NUP50: variants seen among roughly 807,000 people sequenced by gnomAD.
NUP50 encodes nucleoporin 50.
In NUP50, 14 loss-of-function variants were observed where a neutral mutation model predicts 36.8. That is an observed-to-expected ratio of 0.38 (90% CI 0.25 to 0.59). The LOEUF is 0.59. Among genes scored for constraint, NUP50 ranks in the 20% least tolerant of loss-of-function variants. The pLI, the probability that NUP50 is intolerant of heterozygous loss-of-function variation, is 0.63. For missense variants in NUP50, 455 were observed against 564.6 expected (o/e 0.81, Z 1.97); for synonymous variants, 195 against 210.8 (o/e 0.93, Z 0.65).
intron 2 of NUP50, 95 bp downstream of exon 2, chr22:45,168,341 G>T: frequency 1.2e-6 from 1 of 867,984 alleles, no homozygotes; most frequent in Non-Finnish European, 1.8e-6. Context: ...AGAACTAAAA[G>T]ACCTTTCTAA....
intron 2 of NUP50, among the ~76,000 whole-genome samples, chr22:45,170,154 G>T (rs1490230790): frequency 6.6e-6 from 1 of 151,938 alleles, no homozygotes. Context: ...TCCCCTGGAC[G>T]ACTCATCCTC....
chr22:45,172,558 C>A lies in NUP50; in HGVS notation c.153+875C>A, dbSNP rs548938721. Among the ~76,000 whole-genome samples the A allele has an allele frequency of 3.9e-5, 6 of 152,202 alleles. No homozygotes were observed. In the East Asian group the frequency reaches 1.2e-3, roughly 29 times the overall value. On this transcript the variant is annotated intron_variant, in intron 3 of 7. Coordinates refer to ENST00000347635, the MANE Select transcript of NUP50 (RefSeq NM_007172.4). Reference sequence around the variant, plus strand: ...TCCTGGGAGCGGAAATACTTACTTTCCTGAGCGTTCTCCTTAAGGGACATG... The same window carrying A: ...TCCTGGGAGCGGAAATACTTACTTTACTGAGCGTTCTCCTTAAGGGACATG...
At chr22:45,175,807 G>A in intron 3 of NUP50, 87 bp from the exon 4 acceptor site, 11 of 1,362,058 alleles carry the variant, frequency 8.1e-6, no homozygotes, top group Middle Eastern at 1.9e-4. Context: ...TCTAGGTGCT[G>A]TTTAGCCAAG....
intron 4 of NUP50, among the ~76,000 whole-genome samples, chr22:45,177,421 T>C (rs1363010235): frequency 6.6e-6 from 1 of 152,146 alleles, no homozygotes; most frequent in Non-Finnish European, 1.5e-5. Flanking sequence ...GCTCAAGCGA[T>C]TTGCCCACCT....
At chr22:45,175,512 TTGAC>T (rs1450301347) in intron 3 of NUP50, among the ~76,000 whole-genome samples, 2 of 152,230 alleles carry the variant, frequency 1.3e-5, no homozygotes, top group Non-Finnish European at 2.9e-5. Context: ...TAAATGGTCT[TTGAC>T]TGAGTAGTAC....
intron 4 of NUP50, 44 bp downstream of exon 4, chr22:45,176,124 A>G (rs1268750627): frequency 1.3e-6 from 2 of 1,581,050 alleles, no homozygotes; most frequent in African/African-American, 1.4e-5. Context: ...AGTATCATCT[A>G]TGGAAAATAG....
intron 2 of NUP50, chr22:45,170,959 A>T (rs965805462): frequency 1.5e-6 from 2 of 1,301,748 alleles, no homozygotes; most frequent in Non-Finnish European, 2.0e-6. Flanking sequence ...GAATTTTTGC[A>T]TGAGAAATAT....
At chr22:45,166,201 A>T (rs1245484223) in intron 1 of NUP50, 1 of 151,914 alleles carries the variant, frequency 6.6e-6, no homozygotes. Flanking sequence ...GGTATGAGTT[A>T]GAAGTTACAA....
intron 1 of NUP50, among the ~76,000 whole-genome samples, 183 bp from the exon 2 acceptor site, chr22:45,167,985 A>G (rs1376818612): frequency 6.6e-6 from 1 of 152,150 alleles, no homozygotes; most frequent in Non-Finnish European, 1.5e-5. Context: ...ATTGATTTGT[A>G]ACACTGGGAG....
intron 2 of NUP50, among the ~76,000 whole-genome samples, 184 bp downstream of exon 2, chr22:45,168,430 C>T (rs1236120263): frequency 1.3e-5 from 2 of 151,760 alleles, no homozygotes; most frequent in African/African-American, 4.8e-5. Context: ...ATTTCTGTGA[C>T]CTCTAGTTAG....
chr22:45,184,619 G>A lies in NUP50; in HGVS notation c.1371G>A (p.Glu457=). The A allele has an allele frequency of 6.2e-7, 1 of 1,613,376 alleles. No homozygotes were observed. Among genetic ancestry groups the A allele is most frequent in the Non-Finnish European group, 8.5e-7 (1 of 1,179,528 alleles). ...TAAAAACCAGCGAGGATGCAGACGAGTTGCACAAAATTTTACTGGAGAAAA... is the reference window on the plus strand; with the variant it reads ...TAAAAACCAGCGAGGATGCAGACGAATTGCACAAAATTTTACTGGAGAAAA... ...IRVKTSEDAD[E]LHKILLEKKD... The change falls in exon 8 of 8, where the codon GAG becomes GAA. Residue 457 remains glutamate, a synonymous_variant. Coordinates refer to ENST00000347635, the MANE Select transcript of NUP50 (RefSeq NM_007172.4).
chr22:45,166,283 C>CTTTTTTTTTTTTTTTTTTTTTTTT (rs71190641), intron 1 of NUP50: 1 of 121,946 alleles, frequency 8.2e-6, no homozygotes, highest in African/African-American at 3.4e-5. Flanking sequence ...TTTTCTTTTT[C>CTTTTTTTTTTTTTTTTTTTTTTTT]TTTTTTTTTT....
At chr22:45,181,789 C>T (rs1397975694) in intron 6 of NUP50, among the ~76,000 whole-genome samples, 3 of 152,170 alleles carry the variant, frequency 2.0e-5, no homozygotes, top group African/African-American at 7.2e-5. Flanking sequence ...ACTTGGTTGG[C>T]CTTTCTGGAT....
At position 45,184,377 on chromosome 22, in the gene NUP50, G is replaced by A; in HGVS notation, c.1205-76G>A. 2.3e-6 allele frequency: 3 copies of A among 1,294,130 alleles called. No homozygotes were observed. In the East Asian group the frequency reaches 7.0e-5, roughly 30 times the overall value. The allele number at this position is 1,294,130 out of a possible 1,614,324, so 80.2% of individuals were successfully genotyped here. On this transcript the variant is annotated intron_variant, in intron 7 of 7. Transcript: ENST00000347635. ...GTATTAAGTTATTTCAGCATTTAAT[G>A]TTTAGCATATTACAGACTCCTTTGG...
intron 1 of NUP50, among the ~76,000 whole-genome samples, chr22:45,167,453 G>A (rs557790698): frequency 1.3e-5 from 2 of 152,274 alleles, no homozygotes; most frequent in Admixed American, 1.3e-4. Flanking sequence ...CAGAGTTCAC[G>A]CCGTTCCCCA....
intron 5 of NUP50, among the ~76,000 whole-genome samples, chr22:45,179,803 G>A (rs546580286): frequency 1.1e-4 from 17 of 152,210 alleles, no homozygotes; most frequent in South Asian, 6.2e-4. Flanking sequence ...GGAGTATCTC[G>A]AGCTCAGAAG....
At position 45,178,836 on chromosome 22, in the gene NUP50, C is replaced by G; in HGVS notation, c.939C>G (p.Val313=). Residue 313 remains valine (V), a synonymous_variant, in exon 5 of 8, where the codon GTC becomes GTG. Coordinates refer to ENST00000347635, the MANE Select transcript of NUP50 (RefSeq NM_007172.4). ...AAGATACTACCCAGAGTAAACCAGT[C>G]TCTTCACCATTTCCCACTAAACCAT... ...FGKDTTQSKP[V]SSPFPTKPLE... is the part of the protein sequence containing the mutation. The G allele has an allele frequency of 1.2e-6, 2 of 1,613,834 alleles. No homozygotes were observed. Among genetic ancestry groups the G allele is most frequent in the Non-Finnish European group, 8.5e-7 (1 of 1,179,856 alleles).
Position 45,176,089 on chromosome 22 carries a change from C to G in NUP50, c.340+9C>G, listed in dbSNP as rs1391428513. 2.5e-6 allele frequency: 4 copies of G among 1,611,324 alleles called. 1 individual carries two copies. Among genetic ancestry groups the G allele is most frequent in the South Asian group, 2.2e-5 (2 of 90,898 alleles). On this transcript the variant is annotated intron_variant, in intron 4 of 7. Transcript: ENST00000347635. ...TCCCAAGGTAGCCTTTGGTAAGTAG[C>G]TCCCATCCCCCAGCCGCCTGTGTAA...
Position 45,187,384 on chromosome 22 carries a change from CA to C in NUP50, c.*2731del, listed in dbSNP as rs753169388. On this transcript the variant is annotated 3_prime_UTR_variant, in exon 8 of 8. Coordinates refer to ENST00000347635, the MANE Select transcript of NUP50 (RefSeq NM_007172.4). ...AGAGGATTATTCTGTTTTACAATTT[CA>C]ATTCTAGATCACATTTTATATATGC... The C allele has an allele frequency of 1.1e-4, 16 of 141,374 alleles. No homozygotes were observed. In the South Asian group the frequency reaches 1.3e-3, roughly 12 times the overall value. 8.8% of individuals were successfully genotyped at this position (141,374 alleles called of 1,614,324 possible). A position where few individuals can be genotyped will look rare whatever the true frequency, so the allele number is the denominator to read the frequency against.
Sources: gnomAD v4.1 joint callset for allele counts (sites outside exome capture counted in the v4.1 genomes callset) on GRCh38, gnomAD v4.1.1 for gene constraint, MANE v1.5 for transcripts, NCBI Gene and HGNC (gene_info 2026-07-23, HGNC 2026-07-21) for gene names.